The following COXFA4 variants were observed in gnomAD, a reference collection of about 807,000 sequenced individuals.
The protein encoded by COXFA4 is cytochrome c oxidase associated subunit FA4.
chr7:10,936,173 T>C, the COXFA4 span, among the ~76,000 whole-genome samples: 2 of 152,234 alleles, frequency 1.3e-5, no homozygotes, highest in African/African-American at 2.4e-5. Context: ...TACTCCAGCT[T>C]CTCAAGTTTC....
chr7:10,933,547 G>T, the COXFA4 span: 1 of 975,450 alleles, frequency 1.0e-6, no homozygotes. Context: ...ATTTAGAGGA[G>T]AAATATTTCC....
chr7:10,938,482 T>C, the COXFA4 span: 4 of 423,142 alleles, frequency 9.5e-6, no homozygotes, highest in Non-Finnish European at 1.7e-5. Context: ...ACTGCAAATG[T>C]GCAAGTGAAG....
At chr7:10,938,661 A>G in the COXFA4 span, 1 of 637,244 alleles carries the variant, frequency 1.6e-6, no homozygotes, top group Non-Finnish European at 2.8e-6. Flanking sequence ...AAAGTAAATG[A>G]AAACAGCAGA....
At chr7:10,938,375 G>A in the COXFA4 span, 1 of 522,584 alleles carries the variant, frequency 1.9e-6, no homozygotes, top group Non-Finnish European at 3.4e-6. Context: ...TTTTTATCTG[G>A]CTTTCACAAA....
At chr7:10,939,910 G>T in the COXFA4 span, 1 of 1,289,960 alleles carries the variant, frequency 7.8e-7, no homozygotes, top group South Asian at 1.2e-5. Context: ...CTGGTCTGAC[G>T]GACGGTAAGT....
the COXFA4 span, chr7:10,940,038 C>T: frequency 5.6e-6 from 9 of 1,613,834 alleles, no homozygotes; most frequent in South Asian, 7.7e-5. Context: ...CTTGGCCTGA[C>T]CGATGATCTG....
the COXFA4 span, chr7:10,933,494 T>C: frequency 1.5e-6 from 1 of 660,474 alleles, no homozygotes; most frequent in Non-Finnish European, 2.6e-6. Flanking sequence ...CATTGTAATC[T>C]CCAATAGAGA....
the COXFA4 span, among the ~76,000 whole-genome samples, chr7:10,937,618 T>C: frequency 6.6e-6 from 1 of 152,130 alleles, no homozygotes; most frequent in Admixed American, 6.6e-5. Flanking sequence ...GGTCTTTGTA[T>C]GCAAAATTTT....
the COXFA4 span, chr7:10,937,736 CA>C: frequency 3.2e-5 from 8 of 247,812 alleles, no homozygotes; most frequent in African/African-American, 1.6e-4. Flanking sequence ...TCATGCCCCA[CA>C]AAAGACCAGC....
chr7:10,938,074 C>A, the COXFA4 span: 1 of 1,610,522 alleles, frequency 6.2e-7, no homozygotes. Context: ...AACTTTAAAA[C>A]AATTTTGTAG....
At chr7:10,935,122 G>C in the COXFA4 span, among the ~76,000 whole-genome samples, 1 of 152,170 alleles carries the variant, frequency 6.6e-6, no homozygotes. Context: ...CAAGTTCTAC[G>C]ATTTGCAGGA....
chr7:10,933,452 CA>C, the COXFA4 span: 1 of 554,406 alleles, frequency 1.8e-6, no homozygotes, highest in Non-Finnish European at 3.2e-6. Context: ...AAAAGTGACA[CA>C]TATCAAGTTT....
the COXFA4 span, among the ~76,000 whole-genome samples, chr7:10,937,263 T>C: frequency 6.6e-6 from 1 of 151,206 alleles, no homozygotes; most frequent in Non-Finnish European, 1.5e-5. Flanking sequence ...GTATGGTATC[T>C]TAATGAAGCC....
chr7:10,936,617 C>A, the COXFA4 span, among the ~76,000 whole-genome samples: 1 of 152,112 alleles, frequency 6.6e-6, no homozygotes, highest in African/African-American at 2.4e-5. Flanking sequence ...CAGATGAGAT[C>A]GATGTTTCAG....
chr7:10,936,601 A>G, the COXFA4 span, among the ~76,000 whole-genome samples: 3 of 152,376 alleles, frequency 2.0e-5, no homozygotes, highest in East Asian at 5.8e-4. Flanking sequence ...GAGGCAAAAT[A>G]TAACACAGAT....
the COXFA4 span, chr7:10,939,499 GAACTT>G: frequency 5.6e-6 from 1 of 178,062 alleles, no homozygotes; most frequent in African/African-American, 2.4e-5. Context: ...AGATGCCAAA[GAACTT>G]AACTGCAATT....
chr7:10,934,366 G>T, the COXFA4 span, among the ~76,000 whole-genome samples: 1 of 129,028 alleles, frequency 7.8e-6, no homozygotes, highest in African/African-American at 3.3e-5. Context: ...AAATCTTACT[G>T]TGATTGCTTT....
At chr7:10,933,697 G>C in the COXFA4 span, 2 of 1,603,514 alleles carry the variant, frequency 1.2e-6, no homozygotes, top group Non-Finnish European at 1.7e-6. Context: ...GTAGAACTTG[G>C]AACAGAAAAA....
chr7:10,937,251 T>A, the COXFA4 span, among the ~76,000 whole-genome samples: 1 of 112,198 alleles, frequency 8.9e-6, no homozygotes, highest in Non-Finnish European at 1.9e-5. Flanking sequence ...GGTATGTGAA[T>A]GGTATGGTAT....
Sources: gnomAD v4.1 joint callset for allele counts (sites outside exome capture counted in the v4.1 genomes callset) on GRCh38, gnomAD v4.1.1 for gene constraint, MANE v1.5 for transcripts, NCBI Gene and HGNC (gene_info 2026-07-23, HGNC 2026-07-21) for gene names.